Variants in GFRA1 observed in about 807,000 individuals in gnomAD.
GFRA1 encodes the protein GDNF family receptor alpha 1, also known as GDNF family receptor alpha-1.
Under a neutral mutation model 51.6 loss-of-function variants are expected in GFRA1, and 16 were observed. The ratio of observed to expected loss-of-function variants is 0.31; its 90% CI spans 0.21 to 0.47. The LOEUF is 0.47. GFRA1 is among the 20% of genes least tolerant of loss of function. GFRA1 has a pLI of 1.00. For missense variants in GFRA1, 530 were observed against 594.3 expected, an observed-to-expected ratio of 0.89 and a Z score of 1.13; for synonymous variants, 270 against 241.3, an observed-to-expected ratio of 1.12 and a Z score of -1.10.
chr10:116,169,971 T>C (rs1236100121), intron 5 of GFRA1, among the ~76,000 whole-genome samples: 3 of 152,126 alleles, frequency 2.0e-5, no homozygotes, highest in Non-Finnish European at 2.9e-5. Context: ...TGGGGGTTTG[T>C]TCCTGCCAGT....
intron 9 of GFRA1, among the ~76,000 whole-genome samples, chr10:116,080,914 G>A (rs942233259): frequency 2.6e-5 from 4 of 152,156 alleles, no homozygotes; most frequent in Non-Finnish European, 4.4e-5. Context: ...ACTGAGCTCC[G>A]GGAGCTTCCT....
chr10:116,080,712 G>A (rs567918027), intron 9 of GFRA1, among the ~76,000 whole-genome samples: 48 of 152,168 alleles, frequency 3.2e-4, no homozygotes, highest in Admixed American at 7.9e-4. Flanking sequence ...CCGAGTAATG[G>A]GATGACTCAG....
At chr10:116,079,623 T>A (rs1955764502) in intron 9 of GFRA1, among the ~76,000 whole-genome samples, 1 of 152,256 alleles carries the variant, frequency 6.6e-6, no homozygotes, top group Middle Eastern at 3.4e-3. Context: ...AAGGTGCTAC[T>A]GGTATCCGGA....
intron 6 of GFRA1, among the ~76,000 whole-genome samples, chr10:116,120,617 G>T (rs1048655931): frequency 6.6e-6 from 1 of 152,168 alleles, no homozygotes; most frequent in African/African-American, 2.4e-5. Flanking sequence ...AGAAAAAAGA[G>T]AAGCATTCAA....
chr10:116,105,497 TG>T (rs1367058283), intron 6 of GFRA1, among the ~76,000 whole-genome samples: 1 of 152,186 alleles, frequency 6.6e-6, no homozygotes. Flanking sequence ...TCAGGAATCC[TG>T]GGCAGCAAAG....
intron 5 of GFRA1, among the ~76,000 whole-genome samples, chr10:116,158,750 AC>A (rs1412470311): frequency 6.6e-6 from 1 of 152,188 alleles, no homozygotes; most frequent in Admixed American, 6.5e-5. Flanking sequence ...AGTGGGCAAA[AC>A]AATGAGGTGC....
At position 116,065,595 on chromosome 10, in the gene GFRA1, T is replaced by A. The variant is rs76253448; in HGVS notation, c.1229A>T (p.Asn410Ile). 1 of 1,613,506 alleles carries A rather than the reference T, an allele frequency of 6.2e-7. No individual in the cohort carries two copies. The highest frequency in any genetic ancestry group is 1.3e-5 in the African/African-American group (1 of 74,914). Reference sequence around the variant, plus strand: ...TACATTGGAAATACAGAGGTGTGTATTGCCCGACACATTGGATTTCAGCTT... The same window carrying A: ...TACATTGGAAATACAGAGGTGTGTAATGCCCGACACATTGGATTTCAGCTT... ...AQKLKSNVSG[N>I]THLCISNGNY... Residue 410 changes from asparagine to isoleucine, a missense_variant, in exon 10 of 11, where the codon AAT (asparagine) becomes ATT (isoleucine). By Grantham distance (149) the Asn-to-Ile change is moderately radical. Coordinates refer to ENST00000355422, the MANE Select transcript of GFRA1 (RefSeq NM_005264.8).
chr10:116,227,526 G>A (rs1208802510), intron 4 of GFRA1, among the ~76,000 whole-genome samples: 1 of 152,176 alleles, frequency 6.6e-6, no homozygotes, highest in African/African-American at 2.4e-5. Context: ...TCCCTGCTGG[G>A]TGCTGTGGGA....
intron 5 of GFRA1, among the ~76,000 whole-genome samples, chr10:116,146,344 C>T (rs1958800971): frequency 6.6e-6 from 1 of 152,192 alleles, no homozygotes; most frequent in Admixed American, 6.5e-5. Flanking sequence ...GAGTACATTC[C>T]TGATAGGAGA....
rs2420127 is a variant in GFRA1, at chr10:116,198,436, A to G, written c.433+13195T>C. On this transcript the variant is annotated intron_variant, in intron 5 of 10. Transcript: ENST00000355422. The stretch of plus-strand genomic sequence containing the variant: ...GTGCTTTCCCACCCACGGCTGTTTA[A>G]TAAGGAAAAAGAACAGCTTTGTCTG... Among the ~76,000 whole-genome samples the G allele has an allele frequency of 3.8e-3, 582 of 152,212 alleles. 1 individual carries two copies. Among genetic ancestry groups the G allele is most frequent in the African/African-American group, 0.012 (515 of 41,544 alleles).
intron 5 of GFRA1, among the ~76,000 whole-genome samples, chr10:116,154,275 T>C (rs1486897367): frequency 6.6e-6 from 1 of 152,204 alleles, no homozygotes; most frequent in Admixed American, 6.5e-5. Flanking sequence ...AAATGAGAAT[T>C]TTCATTGCTG....
At position 116,060,021 on chromosome 10, in the gene GFRA1, A is replaced by G. The variant is rs1213661006; in HGVS notation, c.*4377T>C. On this transcript the variant is annotated 3_prime_UTR_variant, in exon 11 of 11. Transcript: ENST00000355422. ...GTGGAGGGAGGCCTGAATAATAACG[A>G]TGAAAGAGAGCTGAATCAGCCAATA... The G allele has an allele frequency of 6.6e-6, 1 of 152,210 alleles. No homozygotes were observed. Among genetic ancestry groups the G allele is most frequent in the Non-Finnish European group, 1.5e-5 (1 of 68,038 alleles). The allele number at this position is 152,210 out of a possible 1,614,324, so 9.4% of individuals were successfully genotyped here.
At chr10:116,171,225 T>C (rs1458149462) in intron 5 of GFRA1, among the ~76,000 whole-genome samples, 1 of 152,212 alleles carries the variant, frequency 6.6e-6, no homozygotes, top group Non-Finnish European at 1.5e-5. Context: ...TAATTTATCA[T>C]GAAAAAGGGT....
chr10:116,145,544 T>C (rs1958764809), intron 5 of GFRA1, among the ~76,000 whole-genome samples: 1 of 152,218 alleles, frequency 6.6e-6, no homozygotes, highest in African/African-American at 2.4e-5. Context: ...GGGTGATCTT[T>C]AGTTTTATCT....
At chr10:116,261,460 A>C (rs1969294840) in intron 4 of GFRA1, among the ~76,000 whole-genome samples, 1 of 152,140 alleles carries the variant, frequency 6.6e-6, no homozygotes, top group African/African-American at 2.4e-5. Flanking sequence ...TGTAGCATGT[A>C]TTTGTCTACT....
intron 7 of GFRA1, among the ~76,000 whole-genome samples, chr10:116,094,697 CAG>C (rs1465452978): frequency 6.6e-6 from 1 of 152,190 alleles, no homozygotes; most frequent in Non-Finnish European, 1.5e-5. Flanking sequence ...GGATCACAAA[CAG>C]AAAAATAATT....
At position 116,176,323 on chromosome 10, in the gene GFRA1, T is replaced by A. The variant is rs370023971; in HGVS notation, c.433+35308A>T. ...CTCTTCCATCTTTCACTTCTTGACA[T>A]AGTTTGGACCTCCACTCCAAATCCC... On this transcript the variant is annotated intron_variant, in intron 5 of 10. Transcript: ENST00000355422. Among the ~76,000 whole-genome samples, 5 of 152,264 alleles carry A rather than the reference T, an allele frequency of 3.3e-5. No individual in the cohort carries two copies. The East Asian group carries it at 7.7e-4, about 24-fold the overall frequency.
intron 5 of GFRA1, among the ~76,000 whole-genome samples, chr10:116,156,054 T>C (rs978767190): frequency 7.9e-5 from 12 of 152,162 alleles, no homozygotes; most frequent in African/African-American, 2.7e-4. Context: ...CATTCACAAA[T>C]GGGCCTCTTT....
intron 9 of GFRA1, among the ~76,000 whole-genome samples, chr10:116,077,143 A>G (rs1050112710): frequency 5.9e-5 from 9 of 152,170 alleles, no homozygotes; most frequent in Non-Finnish European, 8.8e-5. Flanking sequence ...GAGAGAACCA[A>G]TTTATCGCCT....
Sources: gnomAD v4.1 joint callset for allele counts (sites outside exome capture counted in the v4.1 genomes callset) on GRCh38, gnomAD v4.1.1 for gene constraint, MANE v1.5 for transcripts, NCBI Gene and HGNC (gene_info 2026-07-23, HGNC 2026-07-21) for gene names.